CSMD1: variants seen among roughly 807,000 people sequenced by gnomAD.
CSMD1 encodes CUB and Sushi multiple domains 1, also known as CUB and sushi domain-containing protein 1.
A neutral mutation model predicts 417.5 loss-of-function variants in CSMD1; 213 were observed. The ratio of observed to expected loss-of-function variants is 0.51; its 90% CI spans 0.46 to 0.57. The LOEUF (loss-of-function observed/expected upper bound fraction) is 0.57. CSMD1 is among the 20% of genes least tolerant of loss of function. CSMD1 has a pLI of 0.00. For synonymous variants in CSMD1, 2,862 were observed against 1,736.8 expected (o/e 1.65, Z -16.11); for missense variants, 6,923 against 4,529.7 (o/e 1.53, Z -15.17).
rs567459337 is a variant in CSMD1 at position 4,412,695 on chromosome 8, C to T, written c.415+7258G>A. Among the ~76,000 whole-genome samples, 6 of 152,208 alleles carry T rather than the reference C, an allele frequency of 3.9e-5. No individual in the cohort carries two copies. The South Asian group carries it at 6.2e-4, about 16-fold the overall frequency. The stretch of plus-strand genomic sequence containing the variant: ...CAGGGTTAAATGTATATTAAGTTCA[C>T]GTAACCAACATATAAAGACATAGTG... On this transcript the variant is annotated intron_variant, in intron 3 of 69. Transcript: ENST00000635120.
chr8:3,639,241 C>T (rs923989545), intron 7 of CSMD1, among the ~76,000 whole-genome samples: 2 of 152,136 alleles, frequency 1.3e-5, no homozygotes, highest in South Asian at 4.1e-4. Context: ...AGTCCATTGA[C>T]AATGAAATTT....
chr8:3,189,669 G>A (rs1308434499), intron 34 of CSMD1, among the ~76,000 whole-genome samples: 3 of 151,700 alleles, frequency 2.0e-5, no homozygotes, highest in Non-Finnish European at 4.4e-5. Context: ...AGAGTTGATG[G>A]CCTACTTCAT....
chr8:3,944,263 G>C (rs1016028043), intron 5 of CSMD1, among the ~76,000 whole-genome samples: 4 of 152,128 alleles, frequency 2.6e-5, no homozygotes, highest in African/African-American at 4.8e-5. Context: ...CCTTCAAAGA[G>C]AGAGCAAAGT....
At chr8:4,571,323 G>A (rs1166446160) in intron 2 of CSMD1, among the ~76,000 whole-genome samples, 1 of 152,194 alleles carries the variant, frequency 6.6e-6, no homozygotes, top group Non-Finnish European at 1.5e-5. Context: ...CCGTGTCCCA[G>A]AGATTCTGGT....
chr8:4,945,411 T>C (rs1808300169), intron 1 of CSMD1, among the ~76,000 whole-genome samples: 1 of 152,052 alleles, frequency 6.6e-6, no homozygotes, highest in South Asian at 2.1e-4. Flanking sequence ...TCATATTATG[T>C]ATATTTTTAC....
chr8:4,394,596 C>G (rs909828451), intron 3 of CSMD1, among the ~76,000 whole-genome samples: 3 of 152,240 alleles, frequency 2.0e-5, no homozygotes, highest in South Asian at 2.1e-4. Context: ...CCCCCAGTAG[C>G]TGCAGGAAGG....
At chr8:4,343,641 G>C (rs1800609560) in intron 3 of CSMD1, among the ~76,000 whole-genome samples, 1 of 152,068 alleles carries the variant, frequency 6.6e-6, no homozygotes, top group Admixed American at 6.6e-5. Flanking sequence ...TAGAGCATGT[G>C]GTCATCTCCT....
At chr8:4,796,105 A>C (rs1267086265) in intron 1 of CSMD1, among the ~76,000 whole-genome samples, 3 of 152,096 alleles carry the variant, frequency 2.0e-5, no homozygotes, top group African/African-American at 7.2e-5. Flanking sequence ...TTCCACAAGG[A>C]GTTTACTGTC....
intron 23 of CSMD1, among the ~76,000 whole-genome samples, chr8:3,314,234 A>AAACTT (rs927517059): frequency 4.1e-4 from 62 of 152,054 alleles, no homozygotes; most frequent in Middle Eastern, 3.4e-3. Context: ...ACAAACCCTA[A>AAACTT]AACTTAAAGT....
At chr8:3,470,039 T>C (rs1325730437) in intron 11 of CSMD1, among the ~76,000 whole-genome samples, 2 of 152,296 alleles carry the variant, frequency 1.3e-5, no homozygotes, top group Non-Finnish European at 2.9e-5. Flanking sequence ...TGTCTAACTC[T>C]ATGAATTTTT....
intron 2 of CSMD1, among the ~76,000 whole-genome samples, chr8:4,586,051 A>G: frequency 6.6e-6 from 1 of 152,340 alleles, no homozygotes. Flanking sequence ...GGTTGTACGT[A>G]TACATGGAGT....
chr8:4,574,322 G>T (rs1003112096), intron 2 of CSMD1, among the ~76,000 whole-genome samples: 1 of 152,174 alleles, frequency 6.6e-6, no homozygotes, highest in African/African-American at 2.4e-5. Flanking sequence ...ATCTGGGCTG[G>T]ATAGCACCAT....
intron 8 of CSMD1, among the ~76,000 whole-genome samples, chr8:3,596,933 GC>G (rs1801122976): frequency 6.6e-6 from 1 of 152,122 alleles, no homozygotes; most frequent in African/African-American, 2.4e-5. Flanking sequence ...GTTTCCAAGT[GC>G]CCCTCTTAGC....
chr8:4,344,400 T>TTA (rs1800660108), intron 3 of CSMD1, among the ~76,000 whole-genome samples: 1 of 152,112 alleles, frequency 6.6e-6, no homozygotes, highest in South Asian at 2.1e-4. Context: ...GAGTACCTAC[T>TTA]ATCTTCTGTT....
intron 9 of CSMD1, among the ~76,000 whole-genome samples, chr8:3,585,126 C>T (rs1364996099): frequency 2.0e-5 from 3 of 152,064 alleles, no homozygotes; most frequent in Non-Finnish European, 4.4e-5. Flanking sequence ...ATGTGACTGA[C>T]CCCTAGTGGT....
chr8:4,315,239 G>C (rs577445084), intron 3 of CSMD1, among the ~76,000 whole-genome samples: 20 of 152,236 alleles, frequency 1.3e-4, no homozygotes, highest in African/African-American at 4.6e-4. Context: ...CCCAGCTCTG[G>C]CTTGAAGACC....
rs571986917 is a variant in CSMD1 at position 4,465,991 on chromosome 8, CTG to C, written c.303-45928_303-45927del. Among the ~76,000 whole-genome samples, 225 of 152,282 alleles carry C rather than the reference CTG, an allele frequency of 1.5e-3. 1 individual carries two copies. The highest frequency in any genetic ancestry group is 5.3e-3 in the African/African-American group (219 of 41,556). ...AGAGACAAGGACAGATGGGAAAAGA[CTG>C]AGACATTAAAGATGTGCAATCACAT... is the stretch of plus-strand genomic sequence containing the variant. On this transcript the variant is annotated intron_variant, in intron 2 of 69. Transcript: ENST00000635120.
At chr8:4,657,015 G>A (rs1283150412) in intron 1 of CSMD1, among the ~76,000 whole-genome samples, 1 of 152,144 alleles carries the variant, frequency 6.6e-6, no homozygotes, top group Non-Finnish European at 1.5e-5. Context: ...CGTAGGGCAC[G>A]CAAAGCCACC....
At chr8:4,182,800 T>C (rs537778515) in intron 3 of CSMD1, among the ~76,000 whole-genome samples, 2 of 152,306 alleles carry the variant, frequency 1.3e-5, no homozygotes, top group East Asian at 3.9e-4. Context: ...GAAGGGAATA[T>C]AATCAAGTTA....
Sources: allele counts gnomAD v4.1 joint callset (sites outside exome capture counted in the v4.1 genomes callset), GRCh38; gene constraint gnomAD v4.1.1; transcripts MANE v1.5; gene names NCBI Gene and HGNC (gene_info 2026-07-23, HGNC 2026-07-21).